The following GLCCI1 variants were observed in gnomAD, a reference collection of about 807,000 sequenced individuals.
GLCCI1 encodes glucocorticoid-induced transcript 1 protein.
Under a neutral mutation model 52.2 loss-of-function variants are expected in GLCCI1, and 24 were observed. The ratio of observed to expected loss-of-function variants is 0.46; its 90% CI spans 0.33 to 0.65. The LOEUF (loss-of-function observed/expected upper bound fraction) is 0.65. Ranked by LOEUF, GLCCI1 falls within the 30% of genes least tolerant of loss-of-function variation. GLCCI1 has a pLI of 0.02. For missense variants in GLCCI1, 704 were observed against 701.5 expected (o/e 1.00, Z -0.04); for synonymous variants, 310 against 276.5 (o/e 1.12, Z -1.20).
At chr7:8,065,849 C>G (rs568525857) in intron 5 of GLCCI1, among the ~76,000 whole-genome samples, 2 of 152,160 alleles carry the variant, frequency 1.3e-5, no homozygotes, top group East Asian at 3.9e-4. Flanking sequence ...GGATATTCAC[C>G]TGAAGTTTTT....
chr7:7,986,293 A>C (rs1032053649), intron 1 of GLCCI1, among the ~76,000 whole-genome samples: 4 of 152,026 alleles, frequency 2.6e-5, no homozygotes, highest in Non-Finnish European at 5.9e-5. Context: ...CAGGCGGATC[A>C]TGAGGTCAGG....
intron 6 of GLCCI1, among the ~76,000 whole-genome samples, chr7:8,073,310 T>C (rs1782804460): frequency 6.6e-6 from 1 of 152,194 alleles, no homozygotes; most frequent in African/African-American, 2.4e-5. Context: ...AATTATTTAA[T>C]ACACAGCTTA....
At chr7:8,058,344 A>G (rs1375865248) in intron 4 of GLCCI1, among the ~76,000 whole-genome samples, 1 of 152,204 alleles carries the variant, frequency 6.6e-6, no homozygotes, top group East Asian at 1.9e-4. Context: ...TTAATGTACA[A>G]ATTGTTTTGC....
At chr7:7,972,451 G>A (rs1164499102) in intron 1 of GLCCI1, among the ~76,000 whole-genome samples, 2 of 152,132 alleles carry the variant, frequency 1.3e-5, no homozygotes, top group African/African-American at 4.8e-5. Flanking sequence ...TTTATGAAAA[G>A]CTGCAAGGGC....
chr7:8,081,112 C>T (rs1782985060), intron 6 of GLCCI1, among the ~76,000 whole-genome samples: 1 of 152,150 alleles, frequency 6.6e-6, no homozygotes, highest in African/African-American at 2.4e-5. Flanking sequence ...GGTGGCCTCA[C>T]TCCAAATCAA....
At chr7:8,058,374 A>C (rs1782444190) in intron 4 of GLCCI1, among the ~76,000 whole-genome samples, 1 of 152,230 alleles carries the variant, frequency 6.6e-6, no homozygotes, top group South Asian at 2.1e-4. Flanking sequence ...CAAATTTAAA[A>C]GGACTTGTTT....
intron 3 of GLCCI1, among the ~76,000 whole-genome samples, chr7:8,048,974 C>G (rs1782196599): frequency 1.3e-5 from 2 of 152,046 alleles, no homozygotes; most frequent in African/African-American, 4.8e-5. Context: ...TTGTTGTTTT[C>G]TTTTTTTGTT....
At chr7:8,057,436 AAG>A in intron 4 of GLCCI1, among the ~76,000 whole-genome samples, 1 of 152,326 alleles carries the variant, frequency 6.6e-6, no homozygotes, top group Non-Finnish European at 1.5e-5. Flanking sequence ...TGCTAAGTGA[AAG>A]AAATCAGGAG....
chr7:7,982,998 T>C (rs1780653194), intron 1 of GLCCI1, among the ~76,000 whole-genome samples: 1 of 152,314 alleles, frequency 6.6e-6, no homozygotes, highest in South Asian at 2.1e-4. Context: ...TCAGTTATGT[T>C]AGCTAGTCTT....
At chr7:8,055,785 C>T in intron 4 of GLCCI1, 1 of 298,382 alleles carries the variant, frequency 3.4e-6, no homozygotes, top group Non-Finnish European at 6.5e-6. Context: ...GTCAGGAGAT[C>T]AAGACCATCC....
chr7:8,061,368 G>T (rs1025781339), intron 5 of GLCCI1, among the ~76,000 whole-genome samples: 4 of 151,794 alleles, frequency 2.6e-5, no homozygotes, highest in African/African-American at 9.7e-5. Flanking sequence ...CCAAAGTGCT[G>T]GGATTACAGG....
At chr7:8,034,773 C>CT (rs1383087548) in intron 3 of GLCCI1, among the ~76,000 whole-genome samples, 1 of 152,134 alleles carries the variant, frequency 6.6e-6, no homozygotes, top group Non-Finnish European at 1.5e-5. Flanking sequence ...GCCCAAGGGA[C>CT]TTGCTATTTT....
At chr7:8,084,078 A>T (rs1048738253) in intron 6 of GLCCI1, among the ~76,000 whole-genome samples, 2 of 152,236 alleles carry the variant, frequency 1.3e-5, no homozygotes, top group Non-Finnish European at 2.9e-5. Context: ...GTATACAAAC[A>T]TGTCACTGAC....
intron 5 of GLCCI1, among the ~76,000 whole-genome samples, chr7:8,064,588 T>C (rs1039066275): frequency 6.6e-6 from 1 of 152,212 alleles, no homozygotes; most frequent in African/African-American, 2.4e-5. Flanking sequence ...TTCAAGCTCC[T>C]TTTTGGTTCT....
At chr7:8,072,746 C>G (rs1276240848) in intron 6 of GLCCI1, among the ~76,000 whole-genome samples, 1 of 152,164 alleles carries the variant, frequency 6.6e-6, no homozygotes, top group Non-Finnish European at 1.5e-5. Flanking sequence ...ACTTTTGCTA[C>G]TTAACACTTG....
chr7:7,992,910 T>G (rs1255339683), intron 1 of GLCCI1, among the ~76,000 whole-genome samples: 1 of 152,166 alleles, frequency 6.6e-6, no homozygotes, highest in Non-Finnish European at 1.5e-5. Context: ...TTTCCTGAGT[T>G]TGATCACCTC....
chr7:8,030,962 A>G (rs1781734957), intron 3 of GLCCI1, among the ~76,000 whole-genome samples: 1 of 152,102 alleles, frequency 6.6e-6, no homozygotes, highest in Non-Finnish European at 1.5e-5. Context: ...TACAACCACT[A>G]TGGAGAACAG....
At chr7:7,970,709 A>G (rs1355688754) in intron 1 of GLCCI1, among the ~76,000 whole-genome samples, 2 of 152,322 alleles carry the variant, frequency 1.3e-5, no homozygotes, top group East Asian at 1.9e-4. Context: ...CTAGGGACAC[A>G]GTGCATGATT....
chr7:8,064,633 G>A (rs1418448342), intron 5 of GLCCI1, among the ~76,000 whole-genome samples: 2 of 152,170 alleles, frequency 1.3e-5, no homozygotes, highest in Non-Finnish European at 2.9e-5. Flanking sequence ...CTGATTCTGT[G>A]AGGAACATCA....
Sources: gnomAD v4.1 joint callset for allele counts (sites outside exome capture counted in the v4.1 genomes callset) on GRCh38, gnomAD v4.1.1 for gene constraint, MANE v1.5 for transcripts, NCBI Gene and HGNC (gene_info 2026-07-23, HGNC 2026-07-21) for gene names.